The following UNC13C variants were observed in gnomAD, a reference collection of about 807,000 sequenced individuals.
UNC13C encodes the protein protein unc-13 homolog C.
UNC13C carries 174 observed loss-of-function variants against 245.4 expected under a neutral mutation model. The observed-to-expected ratio is 0.71, with a 90% CI of 0.63 to 0.80. The LOEUF is 0.80. Among genes scored for constraint, UNC13C ranks in the 30% least tolerant of loss-of-function variants. The pLI is 0.00. For missense variants in UNC13C, 2,829 were observed against 2,602.9 expected (o/e 1.09, Z -1.89); for synonymous variants, 992 against 895.1 (o/e 1.11, Z -1.93).
At chr15:54,008,641 C>G (rs1895248043) in intron 1 of UNC13C, among the ~76,000 whole-genome samples, 1 of 152,096 alleles carries the variant, frequency 6.6e-6, no homozygotes, top group South Asian at 2.1e-4. Flanking sequence ...TTTGCGTTCA[C>G]CCTCCAGCTA....
At chr15:54,317,322 T>A (rs1451208052) in intron 13 of UNC13C, among the ~76,000 whole-genome samples, 1 of 151,914 alleles carries the variant, frequency 6.6e-6, no homozygotes, top group Non-Finnish European at 1.5e-5. Context: ...CTTATTTACA[T>A]GACGTTTCCT....
intron 30 of UNC13C, among the ~76,000 whole-genome samples, chr15:54,608,115 A>G (rs1391500923): frequency 6.6e-6 from 1 of 152,166 alleles, no homozygotes; most frequent in African/African-American, 2.4e-5. Context: ...AATCATGTCT[A>G]TGTATTCCAG....
At chr15:54,280,715 CATATATAAACATATGTAT>C (rs1377740714) in intron 10 of UNC13C, among the ~76,000 whole-genome samples, 4 of 133,086 alleles carry the variant, frequency 3.0e-5, no homozygotes, top group Non-Finnish European at 4.7e-5. Context: ...TACATATATA[CATATATAAACATATGTAT>C]ACATACATAT....
chr15:54,613,538 CG>C lies in UNC13C; in HGVS notation c.6107-8788del. 2.0e-5 allele frequency among the ~76,000 whole-genome samples: 3 copies of C among 151,844 alleles called. No homozygotes were observed. In the East Asian group the frequency reaches 5.8e-4, roughly 29 times the overall value. Reference sequence around the variant, plus strand: ...TCATAATAGTGTTTTCAAATATTAACGAATAAATATTTATGGATCCATAAAC... The same window carrying C: ...TCATAATAGTGTTTTCAAATATTAACAATAAATATTTATGGATCCATAAAC... On this transcript the variant is annotated intron_variant, in intron 30 of 32. Coordinates refer to ENST00000260323, the MANE Select transcript of UNC13C (RefSeq NM_001080534.3).
chr15:54,425,600 C>G (rs1351178809), intron 19 of UNC13C, among the ~76,000 whole-genome samples: 1 of 151,784 alleles, frequency 6.6e-6, no homozygotes, highest in Non-Finnish European at 1.5e-5. Flanking sequence ...TTATTCACCT[C>G]CTGAGAAGTT....
intron 2 of UNC13C, among the ~76,000 whole-genome samples, chr15:54,122,125 C>G (rs961652008): frequency 2.0e-5 from 3 of 151,050 alleles, no homozygotes. Flanking sequence ...CAATCTTGTT[C>G]CATTTTTTTT....
chr15:54,248,013 G>A (rs1034017218), intron 7 of UNC13C, among the ~76,000 whole-genome samples: 6 of 151,968 alleles, frequency 3.9e-5, no homozygotes, highest in Non-Finnish European at 8.8e-5. Context: ...AGTGGACATA[G>A]GGAATTAGAT....
At chr15:54,240,375 T>A (rs28550623) in intron 7 of UNC13C, among the ~76,000 whole-genome samples, 93 of 152,252 alleles carry the variant, frequency 6.1e-4, no homozygotes, top group Admixed American at 3.8e-3. Context: ...AATTTGCACT[T>A]CTTGGTGCTG....
chr15:54,212,112 C>A (rs1212780302), intron 4 of UNC13C, among the ~76,000 whole-genome samples: 1 of 152,084 alleles, frequency 6.6e-6, no homozygotes, highest in Non-Finnish European at 1.5e-5. Flanking sequence ...AACATTGCTA[C>A]CTTTGTTCCA....
At chr15:54,233,735 C>T (rs889392451) in intron 4 of UNC13C, among the ~76,000 whole-genome samples, 1 of 152,150 alleles carries the variant, frequency 6.6e-6, no homozygotes, top group African/African-American at 2.4e-5. Context: ...GAGGCCATCT[C>T]TCTGCTGACG....
At chr15:54,029,053 A>G (rs1896245550) in intron 2 of UNC13C, among the ~76,000 whole-genome samples, 1 of 152,248 alleles carries the variant, frequency 6.6e-6, no homozygotes, top group Non-Finnish European at 1.5e-5. Flanking sequence ...CAAATGCTAC[A>G]GTTACCTTCC....
At chr15:54,109,402 T>C (rs1169344632) in intron 2 of UNC13C, among the ~76,000 whole-genome samples, 3 of 146,958 alleles carry the variant, frequency 2.0e-5, no homozygotes, top group Non-Finnish European at 4.5e-5. Context: ...AGTGCAGTAG[T>C]GTGATCTTGG....
chr15:54,565,809 CA>C (rs564853423), intron 29 of UNC13C, among the ~76,000 whole-genome samples: 99 of 151,962 alleles, frequency 6.5e-4, no homozygotes, highest in Middle Eastern at 3.4e-3. Context: ...TAAAGTAGCC[CA>C]AGGACAATGA....
intron 4 of UNC13C, among the ~76,000 whole-genome samples, chr15:54,148,745 C>G (rs745350786): frequency 5.9e-5 from 9 of 152,150 alleles, no homozygotes; most frequent in Non-Finnish European, 1.0e-4. Flanking sequence ...TTCCCTATTT[C>G]TCAAGGGTCA....
intron 4 of UNC13C, among the ~76,000 whole-genome samples, chr15:54,157,755 T>C (rs909963709): frequency 7.9e-5 from 12 of 152,260 alleles, no homozygotes; most frequent in Admixed American, 3.3e-4. Context: ...AACAGAGATA[T>C]AGACCAATGG....
upstream of UNC13C, among the ~76,000 whole-genome samples, chr15:53,977,432 T>C (rs1356771232): frequency 5.3e-5 from 8 of 152,188 alleles, no homozygotes; most frequent in African/African-American, 1.2e-4. Flanking sequence ...TCAAGACATA[T>C]TCATCCCTCC....
chr15:54,453,427 C>G (rs1005896273), intron 19 of UNC13C, among the ~76,000 whole-genome samples: 5 of 152,152 alleles, frequency 3.3e-5, no homozygotes, highest in African/African-American at 9.7e-5. Flanking sequence ...TGTTAGATGC[C>G]TCTAGTCAGC....
the UNC13C span, among the ~76,000 whole-genome samples, chr15:53,897,633 G>C: frequency 6.6e-6 from 1 of 152,070 alleles, no homozygotes; most frequent in Non-Finnish European, 1.5e-5. Flanking sequence ...GATCCACAAG[G>C]TCATCACACT....
intron 2 of UNC13C, among the ~76,000 whole-genome samples, chr15:54,093,622 C>T (rs949551210): frequency 1.3e-5 from 2 of 152,212 alleles, no homozygotes; most frequent in Admixed American, 1.3e-4. Context: ...ATGGTCTTGA[C>T]TTAGCATGAT....
Sources: gnomAD v4.1 joint callset for allele counts (sites outside exome capture counted in the v4.1 genomes callset) on GRCh38, gnomAD v4.1.1 for gene constraint, MANE v1.5 for transcripts, NCBI Gene and HGNC (gene_info 2026-07-23, HGNC 2026-07-21) for gene names.